CEP15: variants seen among roughly 807,000 people sequenced by gnomAD.
CEP15 encodes the protein centrosomal protein 15 kDa.
the CEP15 span, chr3:62,334,136 T>C: frequency 6.6e-6 from 1 of 151,904 alleles, no homozygotes; most frequent in Non-Finnish European, 1.5e-5. The surrounding 1 kb of genome is among the most constrained non-coding windows in gnomAD (Gnocchi z 4.9). Context: ...CCCGCTTCCT[T>C]CTAATTTCAT....
At chr3:62,320,738 T>C in the CEP15 span, among the ~76,000 whole-genome samples, 1 of 152,194 alleles carries the variant, frequency 6.6e-6, no homozygotes, top group South Asian at 2.1e-4. Context: ...GTAAGTAATA[T>C]ATAGATAAAT....
chr3:62,322,128 G>C, the CEP15 span: 3 of 1,455,790 alleles, frequency 2.1e-6, no homozygotes, highest in Non-Finnish European at 2.8e-6. This position sits in a 1 kb window ranked among gnomAD's most constrained non-coding sequence, Gnocchi z 5.5. Flanking sequence ...TCATAAAATT[G>C]ATTTATATAA....
the CEP15 span, chr3:62,331,321 A>C: frequency 6.2e-7 from 1 of 1,612,406 alleles, no homozygotes; most frequent in Non-Finnish European, 8.5e-7. Flanking sequence ...GATATCTGTT[A>C]CAGGATATAG....
chr3:62,323,479 A>G, the CEP15 span, among the ~76,000 whole-genome samples: 1 of 152,198 alleles, frequency 6.6e-6, no homozygotes, highest in African/African-American at 2.4e-5. Context: ...ATTCACAGGA[A>G]ACAAGGTTGG....
chr3:62,319,641 A>C, the CEP15 span: 4 of 152,208 alleles, frequency 2.6e-5, no homozygotes, highest in East Asian at 3.8e-4. Flanking sequence ...ATCTTTATAG[A>C]GTGCATAGAT....
At chr3:62,331,054 A>C in the CEP15 span, among the ~76,000 whole-genome samples, 2 of 152,160 alleles carry the variant, frequency 1.3e-5, no homozygotes, top group Non-Finnish European at 2.9e-5. Flanking sequence ...TGCATGAATT[A>C]CTGACATTTA....
At chr3:62,320,865 A>C in the CEP15 span, among the ~76,000 whole-genome samples, 54 of 152,246 alleles carry the variant, frequency 3.5e-4, no homozygotes, top group African/African-American at 1.3e-3. Flanking sequence ...CAGGTCCTGC[A>C]TTTGGTTTAA....
chr3:62,319,322 A>C, the CEP15 span: 1 of 152,182 alleles, frequency 6.6e-6, no homozygotes. Flanking sequence ...CCATGAACCG[A>C]CTTTCCGGGA....
chr3:62,333,130 A>ATGTG, the CEP15 span: 14 of 751,920 alleles, frequency 1.9e-5, no homozygotes, highest in Middle Eastern at 3.9e-4. The surrounding 1 kb of genome is among the most constrained non-coding windows in gnomAD (Gnocchi z 4.0). Flanking sequence ...TTCTACATAT[A>ATGTG]TGTGTGTGTG....
the CEP15 span, chr3:62,331,397 G>A: frequency 1.2e-6 from 2 of 1,612,556 alleles, no homozygotes; most frequent in Non-Finnish European, 1.7e-6. Flanking sequence ...GGTTTCTCTT[G>A]AGGTGAGCAT....
At chr3:62,335,509 G>A in the CEP15 span, 1 of 151,206 alleles carries the variant, frequency 6.6e-6, no homozygotes, top group African/African-American at 2.4e-5. Context: ...CCATTAATGG[G>A]CTTTATGTTC....
the CEP15 span, among the ~76,000 whole-genome samples, chr3:62,328,599 A>G: frequency 1.3e-5 from 2 of 152,236 alleles, no homozygotes; most frequent in Non-Finnish European, 2.9e-5. Flanking sequence ...GAAACAAAGT[A>G]TAGTCAAGTA....
At chr3:62,325,772 G>T in the CEP15 span, among the ~76,000 whole-genome samples, 1 of 152,118 alleles carries the variant, frequency 6.6e-6, no homozygotes, top group Non-Finnish European at 1.5e-5. Flanking sequence ...GGTGGCTCAC[G>T]CCTGTAATCC....
At chr3:62,320,001 G>A in the CEP15 span, among the ~76,000 whole-genome samples, 1 of 152,210 alleles carries the variant, frequency 6.6e-6, no homozygotes, top group Non-Finnish European at 1.5e-5. Context: ...TGGTAGAACT[G>A]GGCACTCTTC....
chr3:62,331,572 A>G, the CEP15 span, among the ~76,000 whole-genome samples: 1 of 152,188 alleles, frequency 6.6e-6, no homozygotes, highest in African/African-American at 2.4e-5. Context: ...TATACATAGT[A>G]GGTAACTGAG....
chr3:62,332,237 C>T, the CEP15 span, among the ~76,000 whole-genome samples: 17 of 152,256 alleles, frequency 1.1e-4, no homozygotes, highest in African/African-American at 3.6e-4. Flanking sequence ...CTCCCAACCA[C>T]GGGCCTCAGA....
the CEP15 span, chr3:62,335,211 T>C: frequency 6.6e-6 from 1 of 152,078 alleles, no homozygotes; most frequent in Non-Finnish European, 1.5e-5. Context: ...TCAGAAAAGG[T>C]TCAGGTTTTT....
the CEP15 span, among the ~76,000 whole-genome samples, chr3:62,325,949 G>A: frequency 6.6e-6 from 1 of 151,728 alleles, no homozygotes; most frequent in African/African-American, 2.4e-5. Flanking sequence ...GCTTGAACCC[G>A]GGAAGCAGGG....
At chr3:62,333,149 T>A in the CEP15 span, 1 of 938,660 alleles carries the variant, frequency 1.1e-6, no homozygotes, top group Non-Finnish European at 1.6e-6. The surrounding 1 kb of genome is among the most constrained non-coding windows in gnomAD (Gnocchi z 4.0). Context: ...TGTGTGTGTG[T>A]GTATACACGC....
Sources: allele counts gnomAD v4.1 joint callset (sites outside exome capture counted in the v4.1 genomes callset), GRCh38; gene constraint gnomAD v4.1.1; non-coding constraint Gnocchi (gnomAD v3.1); transcripts MANE v1.5; gene names NCBI Gene and HGNC (gene_info 2026-07-23, HGNC 2026-07-21).